The following CADM2 variants were observed in gnomAD, a reference collection of about 807,000 sequenced individuals.
CADM2 encodes the protein cell adhesion molecule 2.
In CADM2, 12 loss-of-function variants were observed where a neutral mutation model predicts 49.8. That is an observed-to-expected ratio of 0.24 (90% CI 0.15 to 0.39). The LOEUF is 0.39. CADM2 is among the 10% of genes least tolerant of loss of function. The pLI is 1.00. For missense variants in CADM2, 378 were observed against 492.3 expected (o/e 0.77, Z 2.20); for synonymous variants, 214 against 175.4 (o/e 1.22, Z -1.74).
At chr3:85,515,532 C>G (rs1250168601) in intron 1 of CADM2, among the ~76,000 whole-genome samples, 1 of 149,236 alleles carries the variant, frequency 6.7e-6, no homozygotes, top group Admixed American at 6.7e-5. Flanking sequence ...AAGCGATTCT[C>G]CTGCCTCAGC....
chr3:86,017,894 T>C (rs1046047052), intron 8 of CADM2, among the ~76,000 whole-genome samples: 4 of 149,776 alleles, frequency 2.7e-5, no homozygotes, highest in South Asian at 4.2e-4. Context: ...TTTTTTATTA[T>C]ACTTTAAGTT....
At chr3:85,462,084 T>C (rs1295029018) in intron 1 of CADM2, among the ~76,000 whole-genome samples, 2 of 152,140 alleles carry the variant, frequency 1.3e-5, no homozygotes, top group Non-Finnish European at 2.9e-5. Flanking sequence ...CTTAAGACCA[T>C]TTAACTCCCT....
At chr3:85,862,578 G>GTA (rs1559707628) in intron 3 of CADM2, among the ~76,000 whole-genome samples, 1 of 152,102 alleles carries the variant, frequency 6.6e-6, no homozygotes, top group Non-Finnish European at 1.5e-5. Flanking sequence ...GGTAATCATA[G>GTA]TAACACATTT....
chr3:85,807,859 A>G (rs2072551226), intron 3 of CADM2, among the ~76,000 whole-genome samples: 1 of 152,176 alleles, frequency 6.6e-6, no homozygotes, highest in Non-Finnish European at 1.5e-5. Context: ...TTAGGCTATC[A>G]TAAAAACATG....
At chr3:85,397,316 C>A (rs2034840614) in intron 1 of CADM2, among the ~76,000 whole-genome samples, 1 of 152,070 alleles carries the variant, frequency 6.6e-6, no homozygotes, top group South Asian at 2.1e-4. Context: ...GGAACAGAAG[C>A]TTTGTAATTC....
intron 1 of CADM2, among the ~76,000 whole-genome samples, chr3:85,118,905 A>C (rs1215947722): frequency 6.6e-6 from 1 of 151,974 alleles, no homozygotes; most frequent in Admixed American, 6.6e-5. Flanking sequence ...ATGCACCACC[A>C]CACCCAGCTA....
chr3:85,252,428 A>G (rs1483029448), intron 1 of CADM2, among the ~76,000 whole-genome samples: 1 of 152,116 alleles, frequency 6.6e-6, no homozygotes, highest in South Asian at 2.1e-4. Context: ...CATGTTCTAG[A>G]GTTTGCAGGC....
Position 85,290,818 on chromosome 3 carries a change from T to C in CADM2, c.61+331150T>C, listed in dbSNP as rs549609552. Among the ~76,000 whole-genome samples, 324 of 152,082 alleles carry C rather than the reference T, an allele frequency of 2.1e-3. 1 individual carries two copies. Among genetic ancestry groups the C allele is most frequent in the Non-Finnish European group, 3.6e-3 (244 of 67,980 alleles). ...ACCATCATCAAAGACCAAAAGTAGA[T>C]AAAACCACAAAGATGGGGAAAAAAC... On this transcript the variant is annotated intron_variant, in intron 1 of 9. Transcript: ENST00000383699.
At chr3:84,998,908 C>A (rs1273161397) in intron 1 of CADM2, among the ~76,000 whole-genome samples, 2 of 152,068 alleles carry the variant, frequency 1.3e-5, no homozygotes, top group Non-Finnish European at 2.9e-5. Flanking sequence ...TTCAGATACT[C>A]CCATACCTAT....
chr3:85,504,272 C>G (rs915029237), intron 1 of CADM2, among the ~76,000 whole-genome samples: 5 of 151,154 alleles, frequency 3.3e-5, no homozygotes, highest in Non-Finnish European at 7.4e-5. Flanking sequence ...TCCTTCCTCC[C>G]GGTGGGCTCG....
At chr3:86,036,690 C>G (rs906749793) in intron 8 of CADM2, among the ~76,000 whole-genome samples, 6 of 152,076 alleles carry the variant, frequency 3.9e-5, no homozygotes, top group Admixed American at 3.9e-4. Flanking sequence ...TACTCAGCCT[C>G]CCAGTGCCTC....
chr3:85,199,472 A>AT (rs2041436601), intron 1 of CADM2, among the ~76,000 whole-genome samples: 24 of 149,924 alleles, frequency 1.6e-4, no homozygotes, highest in African/African-American at 2.9e-4. Context: ...GTAATTTCAA[A>AT]ATTTTTTTTT....
intron 1 of CADM2, among the ~76,000 whole-genome samples, chr3:85,154,833 C>T (rs1442113298): frequency 1.3e-5 from 2 of 148,272 alleles, no homozygotes; most frequent in African/African-American, 5.0e-5. Flanking sequence ...CATATCCAGC[C>T]AAACTAAGCT....
intron 1 of CADM2, among the ~76,000 whole-genome samples, chr3:85,069,183 A>C: frequency 6.6e-6 from 1 of 151,996 alleles, no homozygotes; most frequent in East Asian, 1.9e-4. Flanking sequence ...ATAATGGAAG[A>C]GAGAAAAAAA....
chr3:85,460,733 GGTGT>G (rs57401290), intron 1 of CADM2, among the ~76,000 whole-genome samples: 1 of 149,060 alleles, frequency 6.7e-6, no homozygotes, highest in African/African-American at 2.5e-5. Flanking sequence ...TGGGAGATGT[GGTGT>G]GTGTGTGTGT....
intron 1 of CADM2, among the ~76,000 whole-genome samples, chr3:85,463,504 C>T (rs990507644): frequency 4.6e-5 from 7 of 152,068 alleles, no homozygotes; most frequent in African/African-American, 1.7e-4. Context: ...AGTTTCTTTG[C>T]TTTCAGCCTC....
chr3:85,902,026 A>G (rs1363139453), intron 5 of CADM2, among the ~76,000 whole-genome samples: 1 of 152,128 alleles, frequency 6.6e-6, no homozygotes, highest in African/African-American at 2.4e-5. Context: ...TTAGTCATTC[A>G]TTAGTTGATA....
chr3:85,015,289 A>G (rs1196395188), intron 1 of CADM2, among the ~76,000 whole-genome samples: 1 of 152,106 alleles, frequency 6.6e-6, no homozygotes, highest in Non-Finnish European at 1.5e-5. Context: ...CACTGGTGAA[A>G]ACTAAGCTGA....
At chr3:85,894,884 C>T (rs888810033) in intron 5 of CADM2, among the ~76,000 whole-genome samples, 1 of 152,166 alleles carries the variant, frequency 6.6e-6, no homozygotes, top group Admixed American at 6.5e-5. Context: ...GGAACCTCTG[C>T]CTAGATTTCA....
Sources: gnomAD v4.1 joint callset for allele counts (sites outside exome capture counted in the v4.1 genomes callset) on GRCh38, gnomAD v4.1.1 for gene constraint, MANE v1.5 for transcripts, NCBI Gene and HGNC (gene_info 2026-07-23, HGNC 2026-07-21) for gene names.